Variants in PRKCZ observed in about 807,000 individuals in gnomAD.
The protein encoded by PRKCZ is protein kinase C zeta type.
In PRKCZ, 33 loss-of-function variants were observed where a neutral mutation model predicts 79.5. That is an observed-to-expected ratio of 0.41 (90% CI 0.31 to 0.55). PRKCZ has a LOEUF of 0.55. Among genes scored for constraint, PRKCZ ranks in the 20% least tolerant of loss-of-function variants. PRKCZ has a pLI of 0.19. For synonymous variants in PRKCZ, 342 were observed against 320.9 expected (o/e 1.07, Z -0.70); for missense variants, 578 against 813.5 (o/e 0.71, Z 3.52).
At chr1:2,084,923 C>T (rs181030303) in intron 4 of PRKCZ, among the ~76,000 whole-genome samples, 2 of 152,052 alleles carry the variant, frequency 1.3e-5, no homozygotes, top group Non-Finnish European at 2.9e-5. Flanking sequence ...GTGGGAGGAT[C>T]GCCTGAGCCC....
chr1:2,172,505 T>G lies in PRKCZ; in HGVS notation c.1285+117T>G. The G allele has an allele frequency of 8.7e-7, 1 of 1,145,676 alleles. No individual in the cohort carries two copies. The highest frequency in any genetic ancestry group is 1.2e-6 in the Non-Finnish European group (1 of 828,086). 71.0% of individuals were successfully genotyped at this position (1,145,676 alleles called of 1,614,324 possible). On this transcript the variant is annotated intron_variant, in intron 13 of 17. Transcript: ENST00000378567. The surrounding 1 kb of genome is among the most constrained non-coding windows in gnomAD (Gnocchi z 7.8). ...CATCTTACACCCAAAAGCCACACAC[T>G]GTCTTTCCCAGCCGGATGTCATCAT...
intron 4 of PRKCZ, among the ~76,000 whole-genome samples, chr1:2,133,387 C>T (rs1241123311): frequency 6.6e-6 from 1 of 151,124 alleles, no homozygotes; most frequent in African/African-American, 2.4e-5. Flanking sequence ...GTGCGTCTGG[C>T]CCTCAGCTCC....
intron 4 of PRKCZ, among the ~76,000 whole-genome samples, chr1:2,134,245 C>T (rs1413979833): frequency 6.6e-6 from 1 of 152,208 alleles, no homozygotes. Context: ...GGAAGAGGAG[C>T]AGGTTTTACC....
chr1:2,155,470 T>C (rs561022892), intron 9 of PRKCZ, among the ~76,000 whole-genome samples: 1 of 151,376 alleles, frequency 6.6e-6, no homozygotes, highest in Non-Finnish European at 1.5e-5. Flanking sequence ...ATGGTGATGA[T>C]GACGGTGGTG....
At chr1:2,051,005 G>T in intron 1 of PRKCZ, 1 of 309,858 alleles carries the variant, frequency 3.2e-6, no homozygotes, top group Middle Eastern at 8.6e-4. Flanking sequence ...CGTTCCGGCC[G>T]CAAACCTGTA....
At chr1:2,067,492 G>A (rs557271253) in intron 4 of PRKCZ, among the ~76,000 whole-genome samples, 6 of 152,306 alleles carry the variant, frequency 3.9e-5, no homozygotes, top group South Asian at 4.1e-4. Context: ...GGCTGGTCAC[G>A]CCCCGGTCGA....
In PRKCZ at chr1:2,075,895, G is replaced by A. The variant is rs1439364162; in HGVS notation, c.334+16304G>A. Among the ~76,000 whole-genome samples, 3 of 152,242 alleles carry A rather than the reference G, an allele frequency of 2.0e-5. No individual in the cohort carries two copies. The highest frequency in any genetic ancestry group is 4.8e-5 in the African/African-American group (2 of 41,464). On this transcript the variant is annotated intron_variant, in intron 4 of 17. Coordinates refer to ENST00000378567, the MANE Select transcript of PRKCZ (RefSeq NM_002744.6). The surrounding 1 kb of genome is among the most constrained non-coding windows in gnomAD (Gnocchi z 4.8). ...TCGTGTGTGTAGCAGCGGGGGCTGC[G>A]TCTCATCTGCCACACGTTTCTGATC... is the stretch of plus-strand genomic sequence containing the variant.
intron 7 of PRKCZ, among the ~76,000 whole-genome samples, chr1:2,146,314 G>A (rs1678507483): frequency 6.6e-6 from 1 of 152,206 alleles, no homozygotes; most frequent in African/African-American, 2.4e-5. Context: ...GGGTGAGCTG[G>A]CCCTCCCTGG....
chr1:2,062,214 A>G (rs1370692392), intron 4 of PRKCZ, among the ~76,000 whole-genome samples: 1 of 152,210 alleles, frequency 6.6e-6, no homozygotes, highest in Non-Finnish European at 1.5e-5. Context: ...TTACAAACCC[A>G]AAATATATTC....
chr1:2,090,483 A>T (rs1028946150), intron 4 of PRKCZ, among the ~76,000 whole-genome samples: 5 of 148,072 alleles, frequency 3.4e-5, no homozygotes, highest in African/African-American at 1.0e-4. Flanking sequence ...CACTGAGGGG[A>T]TGCCCCCCAG....
intron 4 of PRKCZ, chr1:2,074,353 T>G: frequency 6.5e-7 from 1 of 1,531,152 alleles, no homozygotes. Flanking sequence ...GAAATCGTCT[T>G]GGGCTCGTCT....
chr1:2,160,980 G>A (rs1682159292), intron 10 of PRKCZ, among the ~76,000 whole-genome samples: 1 of 152,148 alleles, frequency 6.6e-6, no homozygotes, highest in African/African-American at 2.4e-5. Flanking sequence ...GGCAGTAGAG[G>A]GAAGGGCTCA....
rs550513965 is a variant in PRKCZ at position 2,072,097 on chromosome 1, G to A, written c.334+12506G>A. ...TCGTTCCCCATAGATTTGGGAAGTC[G>A]AGTGAAACGCATGTGTTAGGTTTAT... On this transcript the variant is annotated intron_variant, in intron 4 of 17. Transcript: ENST00000378567. 2.0e-4 allele frequency among the ~76,000 whole-genome samples: 30 copies of A among 152,370 alleles called. 3 individuals carry two copies. In the South Asian group the frequency reaches 5.8e-3, roughly 29 times the overall value.
intron 4 of PRKCZ, chr1:2,071,181 C>CCGTGCCT (rs1571157354): frequency 4.0e-6 from 1 of 249,074 alleles, no homozygotes; most frequent in East Asian, 1.5e-4. Flanking sequence ...TCCCCGTGCC[C>CCGTGCCT]CGTGCCTCAG....
intron 9 of PRKCZ, among the ~76,000 whole-genome samples, chr1:2,153,797 A>G (rs1294490681): frequency 6.6e-6 from 1 of 152,224 alleles, no homozygotes; most frequent in Non-Finnish European, 1.5e-5. Context: ...GTGGGCCGGG[A>G]TGCCGAGGTG....
chr1:2,093,722 A>T (rs1273193118), intron 4 of PRKCZ, among the ~76,000 whole-genome samples: 1 of 151,968 alleles, frequency 6.6e-6, no homozygotes, highest in Admixed American at 6.5e-5. Flanking sequence ...GAGATGGGGG[A>T]GGCCCTTGGA....
At position 2,173,095 on chromosome 1, in the gene PRKCZ, TCCAC is replaced by T. The variant is rs74865871; in HGVS notation, c.1285+712_1285+715del. On this transcript the variant is annotated intron_variant, in intron 13 of 17. Transcript: ENST00000378567. The surrounding 1 kb of genome is among the most constrained non-coding windows in gnomAD (Gnocchi z 5.7). The stretch of plus-strand genomic sequence containing the variant: ...ACATGCATACTGTGTTTGTACACAC[TCCAC>T]CCACTTCTGCATCCTGGTGTTTTCA... 0.18 allele frequency among the ~76,000 whole-genome samples: 27,731 copies of T among 152,160 alleles called. 2,775 individuals are homozygous for T. The highest frequency in any genetic ancestry group is 0.28 in the Middle Eastern group (83 of 292).
At chr1:2,077,001 G>A (rs768491939) in intron 4 of PRKCZ, among the ~76,000 whole-genome samples, 11 of 152,190 alleles carry the variant, frequency 7.2e-5, no homozygotes, top group Admixed American at 4.6e-4. Flanking sequence ...TGATTCCACC[G>A]TTGTGGGGCA....
In PRKCZ at chr1:2,150,989, C is replaced by T; in HGVS notation, c.876+11C>T. The stretch of plus-strand genomic sequence containing the variant: ...GTGCATGATGACGAGGTAGGTGCCG[C>T]TTCTCATGGGGCCCGGGGGCCCGGG... On this transcript the variant is annotated intron_variant, in intron 9 of 17. Coordinates refer to ENST00000378567, the MANE Select transcript of PRKCZ (RefSeq NM_002744.6). 1 of 1,612,612 alleles carries T rather than the reference C, an allele frequency of 6.2e-7. No individual in the cohort carries two copies. The highest frequency in any genetic ancestry group is 8.5e-7 in the Non-Finnish European group (1 of 1,179,748).
Sources: gnomAD v4.1 joint callset for allele counts (sites outside exome capture counted in the v4.1 genomes callset) on GRCh38, gnomAD v4.1.1 for gene constraint, Gnocchi (gnomAD v3.1) non-coding constraint, MANE v1.5 for transcripts, NCBI Gene and HGNC (gene_info 2026-07-23, HGNC 2026-07-21) for gene names.